Variants in CARMIL1 observed in about 807,000 individuals in gnomAD.
CARMIL1 encodes the protein capping protein regulator and myosin 1 linker 1.
In CARMIL1, 90 loss-of-function variants were observed where a neutral mutation model predicts 177.1. The observed-to-expected ratio is 0.51, with a 90% CI of 0.43 to 0.61. CARMIL1 has a LOEUF of 0.61. Among genes scored for constraint, CARMIL1 ranks in the 20% least tolerant of loss-of-function variants. CARMIL1 has a pLI of 0.00. For missense variants in CARMIL1, 1,380 were observed against 1,667.0 expected (o/e 0.83, Z 3.00); for synonymous variants, 577 against 606.2 (o/e 0.95, Z 0.71).
intron 2 of CARMIL1, among the ~76,000 whole-genome samples, chr6:25,357,400 G>A (rs531818095): frequency 1.3e-5 from 2 of 152,170 alleles, no homozygotes; most frequent in South Asian, 4.1e-4. Context: ...TGGCCAACAT[G>A]GCAAAACCTC....
In CARMIL1 at chr6:25,279,667, C is replaced by G. The variant is rs547117087; in HGVS notation, c.-129C>G. 9.1e-5 allele frequency: 76 copies of G among 837,446 alleles called. No individual in the cohort carries two copies. In the African/African-American group the frequency reaches 1.1e-3, roughly 12 times the overall value. The allele number at this position is 837,446 out of a possible 1,614,324, so 51.9% of individuals were successfully genotyped here. On this transcript the variant is annotated 5_prime_UTR_variant, in exon 1 of 37. Coordinates refer to ENST00000329474, the MANE Select transcript of CARMIL1 (RefSeq NM_017640.6). ...CGCGGCAAAATTCTGTCTCCGCCCC[C>G]CCTTTTCTTGCCCACTTCCATTTGC... is the stretch of plus-strand genomic sequence containing the variant.
intron 31 of CARMIL1, among the ~76,000 whole-genome samples, chr6:25,589,410 T>C (rs1047032836): frequency 8.5e-5 from 13 of 152,238 alleles, no homozygotes; most frequent in Admixed American, 8.5e-4. Context: ...GTCTTGTTAC[T>C]CTGTTCTGAA....
intron 2 of CARMIL1, among the ~76,000 whole-genome samples, chr6:25,327,085 TAC>T (rs1044639627): frequency 6.6e-6 from 1 of 152,116 alleles, no homozygotes; most frequent in Non-Finnish European, 1.5e-5. Flanking sequence ...AGCAGAAAGA[TAC>T]AGTTTCCAGA....
At chr6:25,319,747 A>G (rs1017125691) in intron 2 of CARMIL1, among the ~76,000 whole-genome samples, 13 of 148,184 alleles carry the variant, frequency 8.8e-5, no homozygotes, top group Non-Finnish European at 1.8e-4. Context: ...GAAATACTGA[A>G]TCTCTACATT....
At chr6:25,321,803 C>T (rs1050272845) in intron 2 of CARMIL1, among the ~76,000 whole-genome samples, 16 of 151,730 alleles carry the variant, frequency 1.1e-4, no homozygotes, top group East Asian at 5.9e-4. Flanking sequence ...GGACTACAGG[C>T]GCCCGCCACC....
At chr6:25,456,890 G>A (rs1486479900) in intron 8 of CARMIL1, among the ~76,000 whole-genome samples, 1 of 151,800 alleles carries the variant, frequency 6.6e-6, no homozygotes, top group Non-Finnish European at 1.5e-5. Flanking sequence ...ATTCTTGAGT[G>A]TGATACTATC....
chr6:25,490,927 T>C (rs2150995893), intron 13 of CARMIL1, among the ~76,000 whole-genome samples: 1 of 152,358 alleles, frequency 6.6e-6, no homozygotes, highest in Non-Finnish European at 1.5e-5. Context: ...TGTTTGTTTT[T>C]GCAAGTATCC....
chr6:25,491,689 G>A (rs1461012928), intron 13 of CARMIL1, 43 bp from the exon 14 acceptor site: 15 of 1,268,096 alleles, frequency 1.2e-5, no homozygotes, highest in Non-Finnish European at 1.6e-5. Context: ...GTGTATGTGT[G>A]TGTTTCTAGA....
At chr6:25,420,189 T>G (rs1482965326) in intron 3 of CARMIL1, 25 bp downstream of exon 3, 2 of 1,610,204 alleles carry the variant, frequency 1.2e-6, no homozygotes, top group African/African-American at 2.7e-5. Context: ...AGTCCTTCCT[T>G]CTGCACTCAC....
At chr6:25,504,291 G>A (rs1663381173) in intron 17 of CARMIL1, among the ~76,000 whole-genome samples, 1 of 152,104 alleles carries the variant, frequency 6.6e-6, no homozygotes, top group Non-Finnish European at 1.5e-5. Context: ...TGGACAGGGA[G>A]CTTAGAATAA....
At chr6:25,562,654 A>G (rs1257440999) in intron 29 of CARMIL1, among the ~76,000 whole-genome samples, 1 of 152,206 alleles carries the variant, frequency 6.6e-6, no homozygotes, top group Non-Finnish European at 1.5e-5. Flanking sequence ...TTATTTCTAG[A>G]AAGAGATGAA....
Position 25,486,589 on chromosome 6 carries a change from G to T in CARMIL1, c.962-1893G>T, listed in dbSNP as rs573609388. On this transcript the variant is annotated intron_variant, in intron 12 of 36. Coordinates refer to ENST00000329474, the MANE Select transcript of CARMIL1 (RefSeq NM_017640.6). ...AATACTAATATCGGGACAAACTAAAGGAAGTTGGTCGTTTAAACAGTTATA... is the reference window on the plus strand; with the variant it reads ...AATACTAATATCGGGACAAACTAAATGAAGTTGGTCGTTTAAACAGTTATA... 2.6e-5 allele frequency among the ~76,000 whole-genome samples: 4 copies of T among 152,252 alleles called. No homozygotes were observed. In the South Asian group the frequency reaches 8.3e-4, roughly 32 times the overall value.
intron 11 of CARMIL1, among the ~76,000 whole-genome samples, chr6:25,473,843 A>G (rs769541907): frequency 5.2e-4 from 79 of 152,224 alleles, no homozygotes; most frequent in Non-Finnish European, 9.7e-4. Flanking sequence ...TTTGAGTGTG[A>G]GAATAGGGAA....
chr6:25,522,743 A>G (rs376224274), intron 23 of CARMIL1, among the ~76,000 whole-genome samples: 30 of 152,210 alleles, frequency 2.0e-4, no homozygotes, highest in Admixed American at 1.9e-3. Context: ...TTGATGGCAG[A>G]GCTTATGTAT....
intron 1 of CARMIL1, among the ~76,000 whole-genome samples, chr6:25,281,127 T>TGCGCGC (rs1554148544): frequency 2.4e-5 from 3 of 126,998 alleles, no homozygotes; most frequent in African/African-American, 6.4e-5. Context: ...CACGCGCGTG[T>TGCGCGC]GCGCGCGCGC....
intron 26 of CARMIL1, among the ~76,000 whole-genome samples, chr6:25,546,669 C>CAAAAAAAAAAAAAAAAA (rs58285338): frequency 8.7e-6 from 1 of 115,472 alleles, no homozygotes. Flanking sequence ...ACAACAACAA[C>CAAAAAAAAAAAAAAAAA]AAAAAAAAAA....
chr6:25,404,271 A>G (rs6919767), intron 2 of CARMIL1, among the ~76,000 whole-genome samples: 67,270 of 152,046 alleles, frequency 0.44, 15,172 homozygotes, highest in Middle Eastern at 0.59. Flanking sequence ...GGGGCTTCCC[A>G]TGTTGGCTGG....
chr6:25,435,428 T>A (rs376173343), intron 4 of CARMIL1, 55 bp from the exon 5 acceptor site: 2 of 1,452,518 alleles, frequency 1.4e-6, no homozygotes, highest in Non-Finnish European at 9.2e-7. Context: ...TTAAAATAAT[T>A]AAAAACGGAA....
chr6:25,325,355 A>G (rs1463570881), intron 2 of CARMIL1, among the ~76,000 whole-genome samples: 3 of 152,228 alleles, frequency 2.0e-5, no homozygotes, highest in Non-Finnish European at 2.9e-5. Context: ...TAAAAGTGTC[A>G]TCTGGTGTGA....
Sources: allele counts gnomAD v4.1 joint callset (sites outside exome capture counted in the v4.1 genomes callset), GRCh38; gene constraint gnomAD v4.1.1; transcripts MANE v1.5; gene names NCBI Gene and HGNC (gene_info 2026-07-23, HGNC 2026-07-21).